FSHR: variants seen among roughly 807,000 people sequenced by gnomAD.
FSHR encodes the protein follicle stimulating hormone receptor.
Under a neutral mutation model 52.1 loss-of-function variants are expected in FSHR, and 46 were observed. The ratio of observed to expected loss-of-function variants is 0.88; its 90% CI spans 0.70 to 1.13. The LOEUF (loss-of-function observed/expected upper bound fraction) is 1.13, where lower values mean the gene tolerates loss of function less well. Among genes scored for constraint, FSHR ranks in the 50% most tolerant of loss-of-function variants. FSHR has a pLI of 0.00. For synonymous variants in FSHR, 399 were observed against 309.6 expected, an observed-to-expected ratio of 1.29 and a Z score of -3.03; for missense variants, 964 against 834.6, an observed-to-expected ratio of 1.16 and a Z score of -1.91.
chr2:49,013,772 C>T (rs578115747), intron 4 of FSHR, among the ~76,000 whole-genome samples: 1 of 151,750 alleles, frequency 6.6e-6, no homozygotes. Context: ...ATGAATTGAA[C>T]GTTTGTGTCC....
chr2:49,144,627 T>C (rs9789581), intron 1 of FSHR, among the ~76,000 whole-genome samples: 24,190 of 152,136 alleles, frequency 0.16, 1,886 homozygotes, highest in Middle Eastern at 0.25. Context: ...TTGCATTTTC[T>C]AATGTCCTCT....
intron 2 of FSHR, among the ~76,000 whole-genome samples, chr2:49,056,450 AT>A: frequency 9.3e-5 from 1 of 10,718 alleles, no homozygotes. Flanking sequence ...ATTGGAATAT[AT>A]ATATATATAT....
At chr2:49,140,282 G>A (rs1001560894) in intron 1 of FSHR, among the ~76,000 whole-genome samples, 16 of 151,974 alleles carry the variant, frequency 1.1e-4, no homozygotes, top group Non-Finnish European at 1.3e-4. Flanking sequence ...AAATCTGGTC[G>A]TTTGAAAGTG....
intron 4 of FSHR, among the ~76,000 whole-genome samples, chr2:49,002,336 C>A (rs915864363): frequency 6.6e-6 from 1 of 152,108 alleles, no homozygotes; most frequent in Admixed American, 6.6e-5. Flanking sequence ...TTTACAATAA[C>A]CTTTTGTTAA....
At chr2:49,135,668 AT>A (rs1558461418) in intron 1 of FSHR, among the ~76,000 whole-genome samples, 1 of 152,178 alleles carries the variant, frequency 6.6e-6, no homozygotes, top group Non-Finnish European at 1.5e-5. Context: ...CAATAAAAAA[AT>A]TCACGCATAA....
intron 1 of FSHR, among the ~76,000 whole-genome samples, chr2:49,126,677 A>G (rs1407378782): frequency 1.9e-4 from 29 of 152,156 alleles, no homozygotes; most frequent in Admixed American, 1.9e-3. Context: ...ACTATGTTCA[A>G]TTCTGTCACT....
At chr2:49,082,570 C>G (rs1260985582) in intron 1 of FSHR, among the ~76,000 whole-genome samples, 1 of 151,658 alleles carries the variant, frequency 6.6e-6, no homozygotes, top group Non-Finnish European at 1.5e-5. Context: ...GACGTTCAAA[C>G]CAAAGGCAAA....
chr2:49,060,304 C>T (rs963519750), intron 2 of FSHR, among the ~76,000 whole-genome samples: 5 of 151,932 alleles, frequency 3.3e-5, no homozygotes, highest in African/African-American at 4.8e-5. Flanking sequence ...ACTGCAAATA[C>T]AACTACCATA....
At chr2:49,005,383 A>G (rs929802569) in intron 4 of FSHR, among the ~76,000 whole-genome samples, 1 of 152,164 alleles carries the variant, frequency 6.6e-6, no homozygotes, top group Non-Finnish European at 1.5e-5. Flanking sequence ...CAGGCAGATT[A>G]CTGATAAAAA....
At chr2:49,105,424 G>A (rs1671187848) in intron 1 of FSHR, among the ~76,000 whole-genome samples, 1 of 151,352 alleles carries the variant, frequency 6.6e-6, no homozygotes, top group Non-Finnish European at 1.5e-5. Context: ...GGGTTCCAAG[G>A]AAGCTTACTT....
At chr2:49,071,397 A>G (rs560892356) in intron 1 of FSHR, among the ~76,000 whole-genome samples, 1 of 152,284 alleles carries the variant, frequency 6.6e-6, no homozygotes, top group East Asian at 1.9e-4. Flanking sequence ...ATTAGAGAAA[A>G]TAACTGCCAA....
At chr2:49,023,088 G>C (rs1667795320) in intron 2 of FSHR, among the ~76,000 whole-genome samples, 2 of 152,120 alleles carry the variant, frequency 1.3e-5, no homozygotes, top group Admixed American at 1.3e-4. Flanking sequence ...GATATGCAGA[G>C]TGTGATAGAG....
At chr2:48,979,239 G>A (rs1675129087) in intron 8 of FSHR, among the ~76,000 whole-genome samples, 1 of 152,070 alleles carries the variant, frequency 6.6e-6, no homozygotes, top group South Asian at 2.1e-4. Context: ...GAGGCCAGGA[G>A]TTTGAGATCA....
At position 49,133,024 on chromosome 2, in the gene FSHR, C is replaced by T. The variant is rs555581468; in HGVS notation, c.152+21242G>A. Among the ~76,000 whole-genome samples, 67 of 146,948 alleles carry T rather than the reference C, an allele frequency of 4.6e-4. 1 individual carries two copies. Among genetic ancestry groups the T allele is most frequent in the African/African-American group, 1.2e-3 (47 of 39,004 alleles). ...AAGTTTGTGGTATTTGAACCAAGAC[C>T]GCTTGCTCCCTCTCCTCTCATCTCA... On this transcript the variant is annotated intron_variant, in intron 1 of 9. Coordinates refer to ENST00000406846, the MANE Select transcript of FSHR (RefSeq NM_000145.4).
intron 1 of FSHR, among the ~76,000 whole-genome samples, chr2:49,136,037 A>G (rs1247016277): frequency 2.0e-5 from 3 of 152,044 alleles, no homozygotes; most frequent in Non-Finnish European, 4.4e-5. Flanking sequence ...AAGTGTCAAC[A>G]GAAATTAATA....
In FSHR at chr2:49,111,531, T is replaced by C. The variant is rs537797533; in HGVS notation, c.152+42735A>G. ...AGGGGAAAGAGCAGTGATTTGTTCCTCTGTTCAGGTCTCAAAAGAAGGTGA... is the reference window on the plus strand; with the variant it reads ...AGGGGAAAGAGCAGTGATTTGTTCCCCTGTTCAGGTCTCAAAAGAAGGTGA... On this transcript the variant is annotated intron_variant, in intron 1 of 9. Transcript: ENST00000406846. Among the ~76,000 whole-genome samples, 7 of 152,300 alleles carry C rather than the reference T, an allele frequency of 4.6e-5. No homozygotes were observed. In the South Asian group the frequency reaches 1.4e-3, roughly 32 times the overall value.
At chr2:49,093,442 T>G (rs527924775) in intron 1 of FSHR, among the ~76,000 whole-genome samples, 2 of 152,328 alleles carry the variant, frequency 1.3e-5, no homozygotes, top group South Asian at 4.1e-4. Flanking sequence ...AATGTCCCTC[T>G]TTTTTCATGG....
At chr2:49,034,819 C>T (rs539837471) in intron 2 of FSHR, among the ~76,000 whole-genome samples, 88 of 152,232 alleles carry the variant, frequency 5.8e-4, no homozygotes, top group Admixed American at 5.8e-3. Flanking sequence ...CATGGACTCC[C>T]AGAGCTATTA....
At chr2:49,075,894 T>C (rs1317923022) in intron 1 of FSHR, among the ~76,000 whole-genome samples, 1 of 152,098 alleles carries the variant, frequency 6.6e-6, no homozygotes, top group Non-Finnish European at 1.5e-5. Context: ...CCTGTCTCTA[T>C]TTCTCAAAGT....
Sources: gnomAD v4.1 joint callset for allele counts (sites outside exome capture counted in the v4.1 genomes callset) on GRCh38, gnomAD v4.1.1 for gene constraint, MANE v1.5 for transcripts, NCBI Gene and HGNC (gene_info 2026-07-23, HGNC 2026-07-21) for gene names.